Variants in KIF21B observed in about 807,000 individuals in gnomAD.
The protein encoded by KIF21B is kinesin-like protein KIF21B.
A neutral mutation model predicts 192.9 loss-of-function variants in KIF21B; 85 were observed. The ratio of observed to expected loss-of-function variants is 0.44; its 90% confidence interval spans 0.37 to 0.53. KIF21B has a LOEUF of 0.53. Among genes scored for constraint, KIF21B ranks in the 20% least tolerant of loss-of-function variants. The pLI is 0.00. For synonymous variants in KIF21B, 832 were observed against 884.6 expected (o/e 0.94, Z 1.05); for missense variants, 1,716 against 2,194.8 (o/e 0.78, Z 4.36).
chr1:200,983,068 G>A lies in KIF21B; in HGVS notation c.3830C>T (p.Ser1277Leu), dbSNP rs1301750014. The part of the protein sequence containing the change: ...DKSDDSDSSL[S>L]EVLRGIISPV... ...ATTCTGTGTGTACCTCAGGACCTCC[G>A]ACAAAGAGGAGTCGCTGTCATCAGA... Residue 1277 changes from serine (S) to leucine (L), a missense_variant, in exon 28 of 35, where the codon TCG becomes TTG. Physicochemically the swap from Ser to Leu is moderately radical, Grantham distance 145 (BLOSUM62 -2). Coordinates refer to ENST00000461742, the MANE Select transcript of KIF21B (RefSeq NM_001252102.2). 4 of 1,535,992 alleles carry A rather than the reference G, an allele frequency of 2.6e-6. No individual in the cohort carries two copies. Among genetic ancestry groups the A allele is most frequent in the Non-Finnish European group, 3.5e-6 (4 of 1,146,870 alleles).
chr1:200,996,525 C>A, intron 14 of KIF21B, 130 bp from the exon 15 acceptor site: 2 of 741,414 alleles, frequency 2.7e-6, no homozygotes, highest in Non-Finnish European at 4.5e-6. Flanking sequence ...AGTCACACCC[C>A]TCTCTGAGCC....
At position 200,975,578 on chromosome 1, in the gene KIF21B, A is replaced by T; in HGVS notation, c.4535T>A (p.Ile1512Asn). Residue 1512 changes from isoleucine (I) to asparagine (N), a missense_variant, in exon 33 of 35, where the codon ATC (isoleucine) becomes AAC (asparagine). By Grantham distance (149) the Ile-to-Asn change is moderately radical (BLOSUM62 -3). Around this residue, in one of 3 missense-constraint regions of KIF21B, gnomAD observed 580 missense variants for 775.5 expected, o/e 0.75. Transcript: ENST00000461742. This position sits in a 1 kb window ranked among gnomAD's most constrained non-coding sequence, Gnocchi z 4.3. ...GCCACTGAACAGGATGTCTCCCTGG[A>T]TGGCGAGACACTCGATGCCATCGTA... ...PHYDGIECLA[I>N]QGDILFSGSR... 6.2e-7 allele frequency: 1 copy of T among 1,613,994 alleles called. No homozygotes were observed.
rs780660329 is a variant in KIF21B, at chr1:200,979,586, T to C, written c.4109A>G (p.Tyr1370Cys). Reference sequence around the variant, plus strand: ...GTCCCGGATGTCCCACACCTTGATGTAGGAGGTGGACACGGAGAACACAAG... The same window carrying C: ...GTCCCGGATGTCCCACACCTTGATGCAGGAGGTGGACACGGAGAACACAAG... Reference protein sequence around the residue: ...SGLVFSVSTSYIKVWDIRDSA... With the variant: ...SGLVFSVSTSCIKVWDIRDSA... The change falls in exon 30 of 35, where the codon TAC becomes TGC. Residue 1370 changes from tyrosine to cysteine, a missense_variant. Physicochemically the swap from Tyr to Cys is radical, Grantham distance 194. This residue lies in a region of KIF21B where 580 missense variants were observed against 775.5 expected (regional missense o/e 0.75). Coordinates refer to ENST00000461742, the MANE Select transcript of KIF21B (RefSeq NM_001252102.2). The C allele has an allele frequency of 2.1e-5, 33 of 1,591,422 alleles. No individual in the cohort carries two copies. The South Asian group carries it at 3.6e-4, about 18-fold the overall frequency.
chr1:200,998,691 AC>A lies in KIF21B; in HGVS notation c.1886-117del. On this transcript the variant is annotated intron_variant, in intron 13 of 34. Transcript: ENST00000461742. This position sits in a 1 kb window ranked among gnomAD's most constrained non-coding sequence, Gnocchi z 4.3. ...TTTGGTCAGCCATGACCAATCAGTG[AC>A]CAGAGACTGGGCAAAATGATAAATC... 1 of 840,602 alleles carries A rather than the reference AC, an allele frequency of 1.2e-6. No individual in the cohort carries two copies. Among genetic ancestry groups the A allele is most frequent in the Non-Finnish European group, 1.9e-6 (1 of 535,614 alleles). The allele number at this position is 840,602 out of a possible 1,614,324, so 52.1% of individuals were successfully genotyped here. A position where few individuals can be genotyped will look rare whatever the true frequency, so the allele number is the denominator to read the frequency against.
At chr1:200,986,959 C>T (rs1398628818) in intron 25 of KIF21B, 37 bp downstream of exon 25, 2 of 1,612,460 alleles carry the variant, frequency 1.2e-6, no homozygotes, top group Admixed American at 1.7e-5. Context: ...CCCAACTCCA[C>T]CTCCACTCCA....
intron 26 of KIF21B, among the ~76,000 whole-genome samples, chr1:200,986,550 G>A (rs1456903664): frequency 6.6e-6 from 1 of 151,902 alleles, no homozygotes; most frequent in African/African-American, 2.4e-5. Context: ...TAGAGATGAT[G>A]TTTCACCATA....
At position 200,987,209 on chromosome 1, in the gene KIF21B, A is replaced by G. The variant is rs779316280; in HGVS notation, c.3409-8T>C. 1.9e-6 allele frequency: 3 copies of G among 1,611,000 alleles called. No homozygotes were observed. The East Asian group carries it at 6.7e-5, about 36-fold the overall frequency. Reference sequence around the variant, plus strand: ...AGACAGTTTGGGCTCGCTCTGGGAAAAGAAGAACAGGGTGGATCAACTTGC... The same window carrying G: ...AGACAGTTTGGGCTCGCTCTGGGAAGAGAAGAACAGGGTGGATCAACTTGC... On this transcript the variant is annotated splice_polypyrimidine_tract_variant and splice_region_variant and intron_variant, in intron 24 of 34. Transcript: ENST00000461742.
chr1:201,004,700 G>A, intron 6 of KIF21B, 66 bp downstream of exon 6: 1 of 1,588,172 alleles, frequency 6.3e-7, no homozygotes, highest in Non-Finnish European at 8.6e-7. Context: ...TAGGACTGCA[G>A]GGCCTTGGAG....
rs918493864 is a variant in KIF21B, at chr1:200,998,670, G to A, written c.1886-95C>T. ...GCTGGGGAGCTGGGACCCTCCTTTG[G>A]TCAGCCATGACCAATCAGTGACCAG... On this transcript the variant is annotated intron_variant, in intron 13 of 34. Transcript: ENST00000461742. This position sits in a 1 kb window ranked among gnomAD's most constrained non-coding sequence, Gnocchi z 4.3. 1 of 1,146,240 alleles carries A rather than the reference G, an allele frequency of 8.7e-7. No homozygotes were observed. Among genetic ancestry groups the A allele is most frequent in the Non-Finnish European group, 1.3e-6 (1 of 791,068 alleles). 71.0% of individuals were successfully genotyped at this position (1,146,240 alleles called of 1,614,324 possible). A position where few individuals can be genotyped will look rare whatever the true frequency, so the allele number is the denominator to read the frequency against.
Position 200,986,957 on chromosome 1 carries a change from C to T in KIF21B, c.3614+39G>A, listed in dbSNP as rs1383733681. 4.3e-6 allele frequency: 7 copies of T among 1,612,290 alleles called. No individual in the cohort carries two copies. In the East Asian group the frequency reaches 6.7e-5, roughly 15 times the overall value. On this transcript the variant is annotated intron_variant, in intron 25 of 34. Transcript: ENST00000461742. ...GTCCAGTGAGGCCCAGACCCAACTC[C>T]ACCTCCACTCCAACCCACATTCCTG...
chr1:200,974,842 G>A lies in KIF21B; in HGVS notation c.4686C>T (p.Ser1562=), dbSNP rs781402095. The A allele has an allele frequency of 1.7e-5, 27 of 1,614,098 alleles. No individual in the cohort carries two copies. Among genetic ancestry groups the A allele is most frequent in the African/African-American group, 1.5e-4 (11 of 74,942 alleles). The change falls in exon 34 of 35, where the codon AGC becomes AGT. Residue 1562 remains serine, a synonymous_variant. Coordinates refer to ENST00000461742, the MANE Select transcript of KIF21B (RefSeq NM_001252102.2). ...AFIPGRPMLL[S]ACRAGVIKVW... ...CCTTGATGACACCCGCACGGCAGGCGCTGAGCAGCATGGGGCGGCCCGGGA... is the reference window on the plus strand; with the variant it reads ...CCTTGATGACACCCGCACGGCAGGCACTGAGCAGCATGGGGCGGCCCGGGA...
chr1:201,016,523 A>G lies in KIF21B; in HGVS notation c.41+6820T>C, dbSNP rs75775268. Among the ~76,000 whole-genome samples, 696 of 152,294 alleles carry G rather than the reference A, an allele frequency of 4.6e-3. 5 individuals are homozygous for G. The highest frequency in any genetic ancestry group is 0.016 in the African/African-American group (676 of 41,564). On this transcript the variant is annotated intron_variant, in intron 1 of 34. Coordinates refer to ENST00000461742, the MANE Select transcript of KIF21B (RefSeq NM_001252102.2). ...GCTCTGGGGAAGGCGGCTGGAAGCAAAATCCCTGCTCTCAGGGGAGTCTGG... is the reference window on the plus strand; with the variant it reads ...GCTCTGGGGAAGGCGGCTGGAAGCAGAATCCCTGCTCTCAGGGGAGTCTGG...
chr1:201,020,011 A>T (rs1335224052), intron 1 of KIF21B, among the ~76,000 whole-genome samples: 1 of 152,030 alleles, frequency 6.6e-6, no homozygotes, highest in East Asian at 1.9e-4. Flanking sequence ...GCAATCTAAC[A>T]TTGTCCCTTG....
intron 1 of KIF21B, among the ~76,000 whole-genome samples, chr1:201,020,962 C>CCAGAAAGT (rs1485373147): frequency 5.9e-5 from 9 of 152,168 alleles, no homozygotes; most frequent in Admixed American, 5.9e-4. Flanking sequence ...GAAAGGACTT[C>CCAGAAAGT]CAGAAAGTCA....
chr1:200,997,136 AGAG>A (rs1657114376), intron 14 of KIF21B, among the ~76,000 whole-genome samples: 1 of 152,226 alleles, frequency 6.6e-6, no homozygotes, highest in Non-Finnish European at 1.5e-5. Context: ...TGCAGCAGCC[AGAG>A]TAGTCTTTTA....
Position 201,017,537 on chromosome 1 carries a change from C to T in KIF21B, c.41+5806G>A, listed in dbSNP as rs1658577663. 6.6e-6 allele frequency among the ~76,000 whole-genome samples: 1 copy of T among 152,250 alleles called. No homozygotes were observed. The highest frequency in any genetic ancestry group is 2.4e-5 in the African/African-American group (1 of 41,468). On this transcript the variant is annotated intron_variant, in intron 1 of 34. Coordinates refer to ENST00000461742, the MANE Select transcript of KIF21B (RefSeq NM_001252102.2). This position sits in a 1 kb window ranked among gnomAD's most constrained non-coding sequence, Gnocchi z 4.1. The stretch of plus-strand genomic sequence containing the variant: ...GGAGACGCTGCAGAGTCAGGCTTCG[C>T]CCAGAGCCCAGAGCTGTGACGGTAT...
Position 200,992,429 on chromosome 1 carries a change from G to C in KIF21B, c.2278-40C>G, listed in dbSNP as rs369934729. ...GATTATGGTGGTGAGACAGGGCTGG[G>C]AGGCAGGTGGCCCACACTCTCCAGG... On this transcript the variant is annotated intron_variant, in intron 15 of 34. Coordinates refer to ENST00000461742, the MANE Select transcript of KIF21B (RefSeq NM_001252102.2). 3.8e-6 allele frequency: 6 copies of C among 1,599,690 alleles called. No homozygotes were observed. In the African/African-American group the frequency reaches 6.7e-5, roughly 18 times the overall value.
chr1:200,979,632 T>C lies in KIF21B; in HGVS notation c.4063A>G (p.Lys1355Glu). ...KGHPNNVVSI[K>E]YCSHSGLVFS... ...ACAAGCCCCGAGTGGCTGCAGTACT[T>C]GATGGAGACCACGTTGTTGGGGTGG... Residue 1355 changes from lysine (K) to glutamate (E), a missense_variant, in exon 30 of 35, where the codon AAG becomes GAG. By Grantham distance (56) the Lys-to-Glu change is moderately conservative. Around this residue, in one of 3 missense-constraint regions of KIF21B, gnomAD observed 580 missense variants for 775.5 expected, o/e 0.75. Coordinates refer to ENST00000461742, the MANE Select transcript of KIF21B (RefSeq NM_001252102.2). 1.3e-6 allele frequency: 2 copies of C among 1,588,684 alleles called. No individual in the cohort carries two copies. The highest frequency in any genetic ancestry group is 1.7e-6 in the Non-Finnish European group (2 of 1,167,922).
At chr1:201,018,280 A>T (rs1341068758) in intron 1 of KIF21B, among the ~76,000 whole-genome samples, 1 of 152,240 alleles carries the variant, frequency 6.6e-6, no homozygotes, top group East Asian at 1.9e-4. Context: ...AGGCAGGAAG[A>T]CACATGCCAG....
Sources: gnomAD v4.1 joint callset for allele counts (sites outside exome capture counted in the v4.1 genomes callset) on GRCh38, gnomAD v4.1.1 for gene constraint, gnomAD v4.1.1 regional missense constraint, Gnocchi (gnomAD v3.1) non-coding constraint, MANE v1.5 for transcripts, NCBI Gene and HGNC (gene_info 2026-07-23, HGNC 2026-07-21) for gene names.